Variants in OPRM1 observed in about 807,000 individuals in gnomAD.
OPRM1 encodes the protein mu-type opioid receptor.
Under a neutral mutation model 31.8 loss-of-function variants are expected in OPRM1, and 27 were observed. That is an observed-to-expected ratio of 0.85 (90% CI 0.63 to 1.17). OPRM1 has a LOEUF of 1.17. Among genes scored for constraint, OPRM1 ranks in the 50% most tolerant of loss-of-function variants. The pLI is 0.00. For synonymous variants in OPRM1, 196 were observed against 189.9 expected (o/e 1.03, Z -0.26); for missense variants, 536 against 511.1 (o/e 1.05, Z -0.47).
intron 3 of OPRM1, among the ~76,000 whole-genome samples, chr6:154,165,188 G>C (rs920775811): frequency 6.6e-6 from 1 of 152,052 alleles, no homozygotes; most frequent in African/African-American, 2.4e-5. Context: ...TAGAAAAATT[G>C]TGCTTAAAGA....
intron 1 of OPRM1, among the ~76,000 whole-genome samples, chr6:154,052,608 G>A (rs1447700537): frequency 1.3e-5 from 2 of 152,170 alleles, no homozygotes; most frequent in African/African-American, 4.8e-5. Context: ...GAAGACCACA[G>A]AAAGAAGTGG....
intron 3 of OPRM1, among the ~76,000 whole-genome samples, chr6:154,093,094 A>G (rs1215153895): frequency 1.3e-5 from 2 of 152,232 alleles, no homozygotes; most frequent in South Asian, 4.1e-4. Context: ...CTTGTAAGTA[A>G]CTTTAAAAGG....
At position 154,168,159 on chromosome 6, in the gene OPRM1, A is replaced by C; in HGVS notation, c.1164+76687A>C. The C allele has an allele frequency of 7.0e-7, 1 of 1,430,968 alleles. No individual in the cohort carries two copies. Among genetic ancestry groups the C allele is most frequent in the Non-Finnish European group, 9.5e-7 (1 of 1,056,244 alleles). The allele number at this position is 1,430,968 out of a possible 1,614,324, so 88.6% of individuals were successfully genotyped here. The stretch of plus-strand genomic sequence containing the variant: ...AAGCAGTAACAATAAACCCAGTGAA[A>C]AATCAAGGAGAGAACATTCAATACT... On this transcript the variant is annotated intron_variant, in intron 3 of 3. Coordinates refer to the OPRM1 transcript ENST00000337049. This position sits in a 1 kb window ranked among gnomAD's most constrained non-coding sequence, Gnocchi z 4.1.
chr6:154,077,534 C>A (rs924174568), intron 1 of OPRM1, among the ~76,000 whole-genome samples: 1 of 151,494 alleles, frequency 6.6e-6, no homozygotes. Context: ...AGTTCAAGAC[C>A]AGCCTGGCCA....
intron 3 of OPRM1, among the ~76,000 whole-genome samples, chr6:154,235,738 C>G (rs189597162): frequency 6.6e-6 from 1 of 152,138 alleles, no homozygotes; most frequent in Admixed American, 6.5e-5. Context: ...TCAAAAATGG[C>G]AAAAGACATT....
upstream of OPRM1, chr6:154,039,084 C>A (rs1779505696): frequency 6.9e-7 from 1 of 1,453,816 alleles, no homozygotes; most frequent in Non-Finnish European, 9.2e-7. Flanking sequence ...ATGTTAGCCC[C>A]CTTTCTTATT....
intron 3 of OPRM1, among the ~76,000 whole-genome samples, chr6:154,226,303 G>A (rs1266989731): frequency 6.6e-6 from 1 of 152,190 alleles, no homozygotes; most frequent in Admixed American, 6.5e-5. Context: ...TCCTGTCCCA[G>A]ATTTCCAACT....
In OPRM1 at chr6:154,128,051, T is replaced by A. The variant is rs932833298; in HGVS notation, c.*9330T>A. Among the ~76,000 whole-genome samples, 6 of 152,242 alleles carry A rather than the reference T, an allele frequency of 3.9e-5. No individual in the cohort carries two copies. The highest frequency in any genetic ancestry group is 1.4e-4 in the African/African-American group (6 of 41,462). ...CTTTCCATGCAAGCTACCGCATCTG[T>A]ATAAATTAGGTTCAAATAACAGAGT... On this transcript the variant is annotated 3_prime_UTR_variant, in exon 4 of 4. Coordinates refer to ENST00000330432, the MANE Select transcript of OPRM1 (RefSeq NM_000914.5).
chr6:154,047,414 G>A (rs973486356), intron 1 of OPRM1, among the ~76,000 whole-genome samples: 1 of 151,826 alleles, frequency 6.6e-6, no homozygotes, highest in Non-Finnish European at 1.5e-5. Flanking sequence ...AAGCGTGACT[G>A]GCAAAGGTGG....
chr6:154,150,244 C>T (rs1424216020), intron 3 of OPRM1, among the ~76,000 whole-genome samples: 1 of 152,224 alleles, frequency 6.6e-6, no homozygotes, highest in African/African-American at 2.4e-5. Context: ...CTGTGGCAGA[C>T]AACAGGGATG....
In OPRM1 at chr6:154,095,658, C is replaced by A. The variant is rs146181057; in HGVS notation, c.1164+4186C>A. On this transcript the variant is annotated intron_variant, in intron 3 of 3. Transcript: ENST00000330432. ...GATTGATTCAGTGCCCTAAAGAGGT[C>A]TTTCCCTAGCTGAGTATGAAAAAAC... 1.4e-4 allele frequency among the ~76,000 whole-genome samples: 21 copies of A among 152,282 alleles called. No individual in the cohort carries two copies. The East Asian group carries it at 4.1e-3, about 29-fold the overall frequency.
In OPRM1 at chr6:154,231,996, G is replaced by A. The variant is rs181785401; in HGVS notation, c.1165-14697G>A. On this transcript the variant is annotated intron_variant, in intron 3 of 3. Coordinates refer to the OPRM1 transcript ENST00000337049. ...ACGTATTTCATGGCAAATAGGCTAAGTAAGGACTCTTCGTAGTGACATGTT... is the reference window on the plus strand; with the variant it reads ...ACGTATTTCATGGCAAATAGGCTAAATAAGGACTCTTCGTAGTGACATGTT... Among the ~76,000 whole-genome samples, 26 of 152,316 alleles carry A rather than the reference G, an allele frequency of 1.7e-4. No homozygotes were observed. In the East Asian group the frequency reaches 4.8e-3, roughly 28 times the overall value.
chr6:154,222,935 C>A (rs778969462), intron 3 of OPRM1: 22 of 556,478 alleles, frequency 4.0e-5, no homozygotes, highest in Non-Finnish European at 5.8e-5. Context: ...CAACAACAGT[C>A]CATGCCAAGA....
chr6:154,188,309 T>C (rs758097683), intron 3 of OPRM1, among the ~76,000 whole-genome samples: 2 of 152,214 alleles, frequency 1.3e-5, no homozygotes, highest in Non-Finnish European at 2.9e-5. Flanking sequence ...TCAAGACTTT[T>C]CATAGAAAAT....
At chr6:154,072,388 T>C (rs940659995) in intron 1 of OPRM1, among the ~76,000 whole-genome samples, 4 of 152,208 alleles carry the variant, frequency 2.6e-5, no homozygotes, top group Non-Finnish European at 5.9e-5. Flanking sequence ...ATATGTTACA[T>C]AGCACTAAGA....
chr6:154,189,015 CTACTT>C (rs1801627587), intron 3 of OPRM1, among the ~76,000 whole-genome samples: 1 of 152,046 alleles, frequency 6.6e-6, no homozygotes, highest in South Asian at 2.1e-4. Flanking sequence ...TTAAAAGATA[CTACTT>C]TACAAGAAAA....
At chr6:154,236,995 T>C (rs1780187051) in intron 3 of OPRM1, among the ~76,000 whole-genome samples, 1 of 152,218 alleles carries the variant, frequency 6.6e-6, no homozygotes, top group Non-Finnish European at 1.5e-5. Flanking sequence ...GTTTAAACTT[T>C]CCTCTCTATG....
downstream of OPRM1, among the ~76,000 whole-genome samples, chr6:154,133,619 GTGAAAAGACTATTTTTAT>G (rs1194453623): frequency 2.6e-5 from 4 of 152,182 alleles, no homozygotes; most frequent in Non-Finnish European, 5.9e-5. Flanking sequence ...CCAATAATGT[GTGAAAAGACTATTTTTAT>G]TGAAAAGACT....
At chr6:154,167,967 T>C in intron 3 of OPRM1, 2 of 1,607,464 alleles carry the variant, frequency 1.2e-6, no homozygotes, top group Non-Finnish European at 1.7e-6. Flanking sequence ...TTCTCGTTTA[T>C]AGATGGATTT....
Sources: allele counts gnomAD v4.1 joint callset (sites outside exome capture counted in the v4.1 genomes callset), GRCh38; gene constraint gnomAD v4.1.1; non-coding constraint Gnocchi (gnomAD v3.1); transcripts MANE v1.5; gene names NCBI Gene and HGNC (gene_info 2026-07-23, HGNC 2026-07-21).